Variants in HECW1 observed in about 807,000 individuals in gnomAD.
HECW1 encodes the protein E3 ubiquitin-protein ligase HECW1.
A neutral mutation model predicts 182.3 loss-of-function variants in HECW1; 61 were observed. The ratio of observed to expected loss-of-function variants is 0.33; its 90% CI spans 0.27 to 0.41. The LOEUF is 0.41. Ranked by LOEUF, HECW1 falls within the 10% of genes least tolerant of loss-of-function variation. The probability of loss-of-function intolerance (pLI) is 1.00; values close to 1 mark genes in which losing one functional copy is unlikely to be tolerated. For missense variants in HECW1, 1,739 were observed against 2,108.9 expected, an observed-to-expected ratio of 0.82 and a Z score of 3.44; for synonymous variants, 859 against 832.6, an observed-to-expected ratio of 1.03 and a Z score of -0.55.
chr7:43,514,801 C>T (rs992385027), intron 24 of HECW1, among the ~76,000 whole-genome samples: 9 of 151,958 alleles, frequency 5.9e-5, no homozygotes, highest in Non-Finnish European at 8.8e-5. Flanking sequence ...CATTATAACC[C>T]AGATATAATG....
chr7:43,179,559 T>C (rs1445107267), intron 2 of HECW1, among the ~76,000 whole-genome samples: 2 of 150,762 alleles, frequency 1.3e-5, no homozygotes, highest in Admixed American at 6.6e-5. Flanking sequence ...CTAAGTTTGT[T>C]GTTGTTGTTG....
chr7:43,447,192 G>A (rs1187997675), intron 11 of HECW1, among the ~76,000 whole-genome samples: 1 of 151,584 alleles, frequency 6.6e-6, no homozygotes, highest in Non-Finnish European at 1.5e-5. Flanking sequence ...ATTAAAAAGT[G>A]TACTGACACT....
intron 2 of HECW1, among the ~76,000 whole-genome samples, chr7:43,188,138 A>G (rs181518738): frequency 6.6e-6 from 1 of 152,296 alleles, no homozygotes; most frequent in Admixed American, 6.5e-5. Context: ...TGTCTCTTCA[A>G]AGGGATTGTT....
intron 8 of HECW1, among the ~76,000 whole-genome samples, chr7:43,434,623 G>T (rs987396544): frequency 6.6e-6 from 1 of 152,194 alleles, no homozygotes; most frequent in Non-Finnish European, 1.5e-5. Context: ...CTACTCACTA[G>T]TTCTTAACAG....
At chr7:43,124,140 A>G (rs746091478) in intron 2 of HECW1, among the ~76,000 whole-genome samples, 38 of 152,212 alleles carry the variant, frequency 2.5e-4, no homozygotes, top group Non-Finnish European at 4.9e-4. Flanking sequence ...TAAACGATGT[A>G]ATCGACGCAC....
rs182682205 is a variant in HECW1 at position 43,112,947 on chromosome 7, C to G, written c.-267+10C>G. 1 of 211,780 alleles carries G rather than the reference C, an allele frequency of 4.7e-6. No homozygotes were observed. Among genetic ancestry groups the G allele is most frequent in the East Asian group, 6.9e-5 (1 of 14,540 alleles). The allele number at this position is 211,780 out of a possible 1,614,324, so 13.1% of individuals were successfully genotyped here. On this transcript the variant is annotated intron_variant, in intron 1 of 29. Coordinates refer to ENST00000395891, the MANE Select transcript of HECW1 (RefSeq NM_015052.5). ...GGCCAGGGCTGCCAAGGTAAGCGGG[C>G]GTAGCGCGGGGACACTGTCTGCCGC...
At chr7:43,178,602 G>C (rs779926378) in intron 2 of HECW1, among the ~76,000 whole-genome samples, 5 of 152,152 alleles carry the variant, frequency 3.3e-5, no homozygotes, top group Non-Finnish European at 7.3e-5. Flanking sequence ...TTAGGCACTG[G>C]TCACTGTGCA....
chr7:43,503,202 A>G (rs1341091515), intron 21 of HECW1, among the ~76,000 whole-genome samples: 1 of 152,178 alleles, frequency 6.6e-6, no homozygotes, highest in Non-Finnish European at 1.5e-5. Flanking sequence ...ATTAAATCCC[A>G]TTGCCTAAAA....
intron 2 of HECW1, among the ~76,000 whole-genome samples, chr7:43,126,885 A>G (rs998620481): frequency 6.6e-6 from 1 of 152,200 alleles, no homozygotes; most frequent in Non-Finnish European, 1.5e-5. Flanking sequence ...AACTCAATCA[A>G]TAACTGTGGT....
rs10604163 is a variant in HECW1 at position 43,319,775 on chromosome 7, AT to A, written c.353-843del. 7.5e-3 allele frequency among the ~76,000 whole-genome samples: 791 copies of A among 105,472 alleles called. 3 individuals are homozygous for A. The highest frequency in any genetic ancestry group is 0.01 in the Non-Finnish European group (601 of 58,292). The allele number at this position is 105,472 out of a possible 152,430, so 69.2% of individuals were successfully genotyped here. ...CCACCACGCCTGGCTAATTTTTGTA[AT>A]TTTTTTTTTTTTTTTTGGTAGAGAC... is the stretch of plus-strand genomic sequence containing the variant. On this transcript the variant is annotated intron_variant, in intron 4 of 29. Transcript: ENST00000395891.
At chr7:43,503,917 A>T (rs1161048573) in intron 21 of HECW1, among the ~76,000 whole-genome samples, 1 of 152,228 alleles carries the variant, frequency 6.6e-6, no homozygotes, top group Non-Finnish European at 1.5e-5. Context: ...AGTTCTGTGT[A>T]CATCCCAAAA....
At chr7:43,495,235 G>T (rs531485185) in intron 19 of HECW1, among the ~76,000 whole-genome samples, 1 of 152,136 alleles carries the variant, frequency 6.6e-6, no homozygotes, top group African/African-American at 2.4e-5. Context: ...TCTACATTAG[G>T]TATTTCTCCT....
intron 13 of HECW1, among the ~76,000 whole-genome samples, chr7:43,460,803 G>A (rs1459952233): frequency 1.3e-5 from 2 of 152,158 alleles, no homozygotes; most frequent in African/African-American, 4.8e-5. Context: ...GTCACTGCAT[G>A]ACCTGCTTCC....
chr7:43,320,587 G>A, intron 4 of HECW1, 48 bp from the exon 5 acceptor site: 5 of 1,284,384 alleles, frequency 3.9e-6, no homozygotes, highest in Middle Eastern at 1.9e-4. Context: ...TAAATATGCT[G>A]TTGACTGATA....
At chr7:43,271,553 A>G (rs1281647671) in intron 3 of HECW1, among the ~76,000 whole-genome samples, 1 of 152,244 alleles carries the variant, frequency 6.6e-6, no homozygotes, top group Non-Finnish European at 1.5e-5. Context: ...TAGCATTTCT[A>G]TACATGTTCA....
At chr7:43,197,873 A>G (rs1048020866) in intron 2 of HECW1, among the ~76,000 whole-genome samples, 2 of 152,064 alleles carry the variant, frequency 1.3e-5, no homozygotes, top group African/African-American at 4.8e-5. Flanking sequence ...CAGGGTTCCC[A>G]GTGAAGGCGT....
chr7:43,309,715 T>C (rs1456210982), intron 3 of HECW1, among the ~76,000 whole-genome samples: 1 of 152,202 alleles, frequency 6.6e-6, no homozygotes, highest in African/African-American at 2.4e-5. Context: ...CTAGGCTGTG[T>C]AACCCTTGGC....
chr7:43,142,849 GTGTAAAATCGACAGGTCCCAGATC>G (rs771210266), intron 2 of HECW1, among the ~76,000 whole-genome samples: 4,033 of 152,070 alleles, frequency 0.027, 70 homozygotes, highest in Non-Finnish European at 0.04. Flanking sequence ...GGAGCACAGG[GTGTAAAATCGACAGGTCCCAGATC>G]TGTAAAATCG....
At chr7:43,219,180 C>T (rs1410195850) in intron 2 of HECW1, among the ~76,000 whole-genome samples, 1 of 152,050 alleles carries the variant, frequency 6.6e-6, no homozygotes, top group East Asian at 1.9e-4. Context: ...TTGCCAGGCA[C>T]ATGTAGGGGC....
Sources: gnomAD v4.1 joint callset for allele counts (sites outside exome capture counted in the v4.1 genomes callset) on GRCh38, gnomAD v4.1.1 for gene constraint, MANE v1.5 for transcripts, NCBI Gene and HGNC (gene_info 2026-07-23, HGNC 2026-07-21) for gene names.